Variants in SLCO2B1 observed in about 807,000 individuals in gnomAD.
SLCO2B1 encodes the protein solute carrier organic anion transporter family member 2B1.
SLCO2B1 carries 41 observed loss-of-function variants against 67.3 expected under a neutral mutation model. That is an observed-to-expected ratio of 0.61 (90% CI 0.47 to 0.79). The LOEUF (loss-of-function observed/expected upper bound fraction) is 0.79, where lower values mean the gene tolerates loss of function less well. Among genes scored for constraint, SLCO2B1 ranks in the 30% least tolerant of loss-of-function variants. The probability of loss-of-function intolerance (pLI) is 0.00; values close to 1 mark genes in which losing one functional copy is unlikely to be tolerated. For synonymous variants in SLCO2B1, 379 were observed against 381.4 expected (o/e 0.99, Z 0.07); for missense variants, 837 against 920.1 (o/e 0.91, Z 1.17).
intron 1 of SLCO2B1, among the ~76,000 whole-genome samples, chr11:75,157,687 G>A (rs940360418): frequency 7.2e-5 from 11 of 152,216 alleles, no homozygotes; most frequent in African/African-American, 1.9e-4. Flanking sequence ...CCTCTTTGAG[G>A]TCGTATAGAG....
chr11:75,169,479 T>A (rs561126720), intron 5 of SLCO2B1, 73 bp downstream of exon 5: 1 of 1,409,790 alleles, frequency 7.1e-7, no homozygotes, highest in Admixed American at 2.1e-5. Flanking sequence ...AGACCCAGGG[T>A]TGGGGCTGGA....
intron 5 of SLCO2B1, 53 bp downstream of exon 5, chr11:75,169,459 G>T: frequency 1.4e-6 from 2 of 1,477,558 alleles, no homozygotes; most frequent in Admixed American, 4.0e-5. Flanking sequence ...GGCTCAACTA[G>T]GAGGAAGAGA....
At chr11:75,162,145 C>A (rs1949828326) in intron 1 of SLCO2B1, among the ~76,000 whole-genome samples, 3 of 152,096 alleles carry the variant, frequency 2.0e-5, no homozygotes, top group Admixed American at 2.0e-4. Flanking sequence ...CTCCAATACA[C>A]CCCAGAAAAG....
In SLCO2B1 at chr11:75,165,941, C is replaced by G; in HGVS notation, c.440C>G (p.Thr147Ser). The G allele has an allele frequency of 3.1e-6, 5 of 1,613,878 alleles. No homozygotes were observed. The highest frequency in any genetic ancestry group is 4.2e-6 in the Non-Finnish European group (5 of 1,179,838). The change falls in exon 4 of 14, where the codon ACC becomes AGC. Residue 147 changes from threonine (T) to serine (S), a missense_variant. Coordinates refer to ENST00000289575, the MANE Select transcript of SLCO2B1 (RefSeq NM_007256.5). ...TCGGAGCCATACCGCTACGACAACACCAGCCCTGGTAAGAGCAGCAGGGGC... is the reference window on the plus strand; with the variant it reads ...TCGGAGCCATACCGCTACGACAACAGCAGCCCTGGTAAGAGCAGCAGGGGC... ...FISEPYRYDN[T>S]SPEDMPQDFK...
chr11:75,204,696 A>C lies in SLCO2B1; in HGVS notation c.*116A>C. The C allele has an allele frequency of 1.2e-6, 1 of 864,108 alleles. No homozygotes were observed. Among genetic ancestry groups the C allele is most frequent in the Non-Finnish European group, 1.7e-6 (1 of 593,320 alleles). The allele number at this position is 864,108 out of a possible 1,614,324, so 53.5% of individuals were successfully genotyped here. On this transcript the variant is annotated 3_prime_UTR_variant, in exon 14 of 14. Coordinates refer to ENST00000289575, the MANE Select transcript of SLCO2B1 (RefSeq NM_007256.5). The stretch of plus-strand genomic sequence containing the variant: ...TGTTCCATTCTGGCTCCTCCACTAA[A>C]TTGCTGTGTGACTTCAGGCAAGACA...
chr11:75,160,769 C>G (rs191599200), intron 1 of SLCO2B1, among the ~76,000 whole-genome samples: 1 of 152,198 alleles, frequency 6.6e-6, no homozygotes, highest in Non-Finnish European at 1.5e-5. Context: ...ATTCCTCAAC[C>G]TGTTTGTATA....
chr11:75,153,855 C>T (rs1949717562), intron 1 of SLCO2B1, among the ~76,000 whole-genome samples: 1 of 151,848 alleles, frequency 6.6e-6, no homozygotes, highest in Non-Finnish European at 1.5e-5. Context: ...AGGAAGTGGC[C>T]CTGCTTCAGT....
rs1949972247 is a variant in SLCO2B1 at position 75,172,413 on chromosome 11, G to A, written c.816G>A (p.Trp272Ter). 1.2e-6 allele frequency: 2 copies of A among 1,613,992 alleles called. No homozygotes were observed. Among genetic ancestry groups the A allele is most frequent in the African/African-American group, 1.3e-5 (1 of 74,918 alleles). Residue 272 changes from tryptophan (W) to a stop codon, truncating the protein, a stop_gained, in exon 7 of 14, where the codon TGG becomes TGA. Transcript: ENST00000289575. LOFTEE classifies it high-confidence loss of function. The stretch of plus-strand genomic sequence containing the variant: ...GCCTGACCATAAAGGACCCCCGATG[G>A]GTGGGTGCCTGGTGGCTGGGTTTCC... ...GISLTIKDPR[W>*]VGAWWLGFLI...
intron 7 of SLCO2B1, among the ~76,000 whole-genome samples, chr11:75,183,338 G>A (rs1001466857): frequency 2.0e-5 from 3 of 152,116 alleles, no homozygotes; most frequent in Non-Finnish European, 4.4e-5. Context: ...AGAGCCATGC[G>A]TGACAGGTGG....
At chr11:75,162,576 G>A (rs2140306204) in intron 1 of SLCO2B1, 79 bp from the exon 2 acceptor site, 2 of 1,473,132 alleles carry the variant, frequency 1.4e-6, no homozygotes, top group Non-Finnish European at 1.8e-6. Flanking sequence ...TTGGTTCTGA[G>A]GTCTAGGGCT....
intron 1 of SLCO2B1, among the ~76,000 whole-genome samples, chr11:75,156,342 C>G (rs1440192246): frequency 6.6e-6 from 1 of 151,992 alleles, no homozygotes; most frequent in Non-Finnish European, 1.5e-5. Flanking sequence ...AGAGAGTGAC[C>G]GGCAGAAATT....
intron 8 of SLCO2B1, among the ~76,000 whole-genome samples, chr11:75,192,608 G>A (rs1432919973): frequency 6.6e-6 from 1 of 152,112 alleles, no homozygotes; most frequent in African/African-American, 2.4e-5. Flanking sequence ...AATGACATGG[G>A]ATGGGATGGA....
intron 1 of SLCO2B1, among the ~76,000 whole-genome samples, chr11:75,160,880 A>G (rs1949811587): frequency 6.6e-6 from 1 of 152,246 alleles, no homozygotes; most frequent in Non-Finnish European, 1.5e-5. Context: ...CCACACTGAG[A>G]TACCACCTCT....
At chr11:75,179,414 T>C (rs1950068298) in intron 7 of SLCO2B1, among the ~76,000 whole-genome samples, 2 of 152,034 alleles carry the variant, frequency 1.3e-5, no homozygotes, top group African/African-American at 4.8e-5. Context: ...GTATTTTTAG[T>C]AGAGACAGGG....
In SLCO2B1 at chr11:75,172,928, CA is replaced by C. The variant is rs59869396; in HGVS notation, c.972+373del. Among the ~76,000 whole-genome samples, 606 of 140,470 alleles carry C rather than the reference CA, an allele frequency of 4.3e-3. 4 individuals carry two copies. Among genetic ancestry groups the C allele is most frequent in the African/African-American group, 0.012 (461 of 38,304 alleles). The allele number at this position is 140,470 out of a possible 152,430, so 92.2% of individuals were successfully genotyped here. A position where few individuals can be genotyped will look rare whatever the true frequency, so the allele number is the denominator to read the frequency against. Reference sequence around the variant, plus strand: ...TGGGCAACAAAGCAAGACTCCGTCTCAAAAAAAAAAAAAATTACACTGCATC... The same window carrying C: ...TGGGCAACAAAGCAAGACTCCGTCTCAAAAAAAAAAAAATTACACTGCATC... On this transcript the variant is annotated intron_variant, in intron 7 of 13. Transcript: ENST00000289575.
In SLCO2B1 at chr11:75,188,123, G is replaced by T. The variant is rs751023942; in HGVS notation, c.973-13G>T. 16 of 1,601,576 alleles carry T rather than the reference G, an allele frequency of 1.0e-5. No homozygotes were observed. The highest frequency in any genetic ancestry group is 1.3e-5 in the African/African-American group (1 of 74,676). On this transcript the variant is annotated splice_polypyrimidine_tract_variant and intron_variant, in intron 7 of 13. Coordinates refer to ENST00000289575, the MANE Select transcript of SLCO2B1 (RefSeq NM_007256.5). The stretch of plus-strand genomic sequence containing the variant: ...CATCCAGCGGACTGTCCTTGGTTTT[G>T]TGTCTCCTTCAGGGCAAGGACTCTC...
chr11:75,173,751 A>G (rs1949992798), intron 7 of SLCO2B1, among the ~76,000 whole-genome samples: 1 of 152,252 alleles, frequency 6.6e-6, no homozygotes, highest in Non-Finnish European at 1.5e-5. Flanking sequence ...CGAGGCCTGA[A>G]AAACAACAAA....
At position 75,151,230 on chromosome 11, in the gene SLCO2B1, C is replaced by T. The variant is rs1487088999; in HGVS notation, c.-152C>T. On this transcript the variant is annotated 5_prime_UTR_variant, in exon 1 of 14. Transcript: ENST00000289575. ...TGTGTGGCCCAAGAAGAACTGACCC[C>T]GTGTCTGGAGCTCCCACCGTTATTG... 7.7e-6 allele frequency: 5 copies of T among 653,034 alleles called. No homozygotes were observed. The highest frequency in any genetic ancestry group is 1.9e-5 in the South Asian group (1 of 52,894). The allele number at this position is 653,034 out of a possible 1,614,324, so 40.5% of individuals were successfully genotyped here.
intron 9 of SLCO2B1, among the ~76,000 whole-genome samples, chr11:75,195,499 G>C (rs1364438587): frequency 6.6e-6 from 1 of 152,124 alleles, no homozygotes. Flanking sequence ...TCACCCCAGG[G>C]AGGGAGAGGA....
Sources: gnomAD v4.1 joint callset for allele counts (sites outside exome capture counted in the v4.1 genomes callset) on GRCh38, gnomAD v4.1.1 for gene constraint, MANE v1.5 for transcripts, NCBI Gene and HGNC (gene_info 2026-07-23, HGNC 2026-07-21) for gene names.